NUBPL: variants seen among roughly 807,000 people sequenced by gnomAD.
NUBPL encodes NUBP iron-sulfur cluster assembly factor, mitochondrial, also known as iron-sulfur cluster transfer protein NUBPL.
NUBPL carries 31 observed loss-of-function variants against 45.7 expected under a neutral mutation model. That is an observed-to-expected ratio of 0.68 (90% CI 0.51 to 0.92). NUBPL has a LOEUF of 0.92. NUBPL is among the 40% of genes least tolerant of loss of function. The pLI is 0.00. For synonymous variants in NUBPL, 144 were observed against 140.9 expected, an observed-to-expected ratio of 1.02 and a Z score of -0.15; for missense variants, 401 against 398.7, an observed-to-expected ratio of 1.01 and a Z score of -0.05.
At chr14:31,840,795 T>C (rs1198626445) in intron 8 of NUBPL, among the ~76,000 whole-genome samples, 1 of 152,010 alleles carries the variant, frequency 6.6e-6, no homozygotes, top group Non-Finnish European at 1.5e-5. Flanking sequence ...TCAAACAATA[T>C]AAAATTTCAA....
chr14:31,725,080 A>G (rs545762580), intron 6 of NUBPL, among the ~76,000 whole-genome samples: 1 of 152,178 alleles, frequency 6.6e-6, no homozygotes, highest in African/African-American at 2.4e-5. Context: ...AGCAATTGGA[A>G]GTTTAGGGTA....
chr14:31,761,274 A>G (rs1291402397), intron 6 of NUBPL, among the ~76,000 whole-genome samples: 1 of 152,020 alleles, frequency 6.6e-6, no homozygotes, highest in Non-Finnish European at 1.5e-5. Context: ...CAACTGTCCA[A>G]TTCCTGGGCT....
chr14:31,810,726 A>T (rs1428185160), intron 7 of NUBPL, among the ~76,000 whole-genome samples: 4 of 152,202 alleles, frequency 2.6e-5, no homozygotes, highest in African/African-American at 9.6e-5. Context: ...TGGTCTTTAC[A>T]CTTTGGCATG....
intron 6 of NUBPL, among the ~76,000 whole-genome samples, chr14:31,676,870 G>C (rs1426310223): frequency 6.6e-6 from 1 of 151,858 alleles, no homozygotes; most frequent in Non-Finnish European, 1.5e-5. Context: ...ATTTATCCCA[G>C]TCTGTGGCTT....
intron 6 of NUBPL, among the ~76,000 whole-genome samples, chr14:31,703,459 C>A (rs578226233): frequency 1.9e-4 from 29 of 152,320 alleles, no homozygotes; most frequent in African/African-American, 7.0e-4. Flanking sequence ...TGTTTTCACA[C>A]TGCTGATAAA....
At chr14:31,594,018 A>G (rs1016760620) in intron 3 of NUBPL, among the ~76,000 whole-genome samples, 1 of 152,190 alleles carries the variant, frequency 6.6e-6, no homozygotes, top group Non-Finnish European at 1.5e-5. Context: ...TCCTAGGCCC[A>G]GGAATGGCAT....
chr14:31,740,782 A>G (rs894605132), intron 6 of NUBPL, among the ~76,000 whole-genome samples: 3 of 151,950 alleles, frequency 2.0e-5, no homozygotes, highest in Non-Finnish European at 4.4e-5. Flanking sequence ...ATTCTTGGAG[A>G]TTCTGTTCTG....
chr14:31,746,150 C>G (rs1050639657), intron 6 of NUBPL, among the ~76,000 whole-genome samples: 5 of 152,020 alleles, frequency 3.3e-5, no homozygotes, highest in African/African-American at 1.2e-4. Flanking sequence ...TTGATTTCTT[C>G]TCTCCCAATT....
intron 6 of NUBPL, among the ~76,000 whole-genome samples, chr14:31,735,388 T>C (rs1020252446): frequency 1.3e-5 from 2 of 152,154 alleles, no homozygotes; most frequent in Non-Finnish European, 2.9e-5. Flanking sequence ...ACAAGTAGTA[T>C]CTGAACCAAG....
intron 6 of NUBPL, among the ~76,000 whole-genome samples, chr14:31,764,029 A>G (rs539023892): frequency 2.0e-5 from 3 of 152,308 alleles, no homozygotes; most frequent in East Asian, 3.9e-4. Flanking sequence ...TTGAGAAACC[A>G]TAGATGATTG....
chr14:31,804,450 C>G (rs1313102066), intron 7 of NUBPL, among the ~76,000 whole-genome samples: 1 of 152,168 alleles, frequency 6.6e-6, no homozygotes, highest in Non-Finnish European at 1.5e-5. Context: ...TTCAGAATCA[C>G]TTGTCTAGAC....
intron 4 of NUBPL, among the ~76,000 whole-genome samples, chr14:31,666,509 C>T (rs181385259): frequency 8.5e-4 from 129 of 151,938 alleles, no homozygotes; most frequent in Middle Eastern, 3.4e-3. Context: ...GTGATCTGCT[C>T]GCCTCGGCCT....
In NUBPL at chr14:31,666,246, TATATATATA is replaced by T. The variant is rs1566487013; in HGVS notation, c.383-7108_383-7100del. The stretch of plus-strand genomic sequence containing the variant: ...TATTTAAGATATATATATATATATA[TATATATATA>T]TATATATAATTTTATTTTATTTTTT... On this transcript the variant is annotated intron_variant, in intron 4 of 10. Coordinates refer to ENST00000281081, the MANE Select transcript of NUBPL (RefSeq NM_025152.3). Among the ~76,000 whole-genome samples the T allele has an allele frequency of 2.8e-4, 9 of 32,700 alleles. 2 individuals carry two copies. The East Asian group carries it at 0.012, about 42-fold the overall frequency. The allele number at this position is 32,700 out of a possible 152,430, so 21.5% of individuals were successfully genotyped here.
intron 6 of NUBPL, among the ~76,000 whole-genome samples, chr14:31,688,004 C>A (rs1394466735): frequency 3.3e-5 from 5 of 152,112 alleles, no homozygotes; most frequent in African/African-American, 1.2e-4. Context: ...TTGCCAAATA[C>A]CTTTTTACTT....
intron 6 of NUBPL, among the ~76,000 whole-genome samples, chr14:31,783,444 T>G (rs1386842926): frequency 6.6e-6 from 1 of 152,148 alleles, no homozygotes; most frequent in Non-Finnish European, 1.5e-5. Flanking sequence ...TTAAATTCAA[T>G]TCAGAGTCAT....
intron 4 of NUBPL, among the ~76,000 whole-genome samples, chr14:31,616,202 T>A (rs1184883682): frequency 1.3e-5 from 2 of 152,176 alleles, no homozygotes; most frequent in East Asian, 3.9e-4. Context: ...GTCAGATGGA[T>A]AGATTGCAAA....
At chr14:31,750,029 C>T (rs542593310) in intron 6 of NUBPL, among the ~76,000 whole-genome samples, 2 of 152,200 alleles carry the variant, frequency 1.3e-5, no homozygotes, top group Admixed American at 6.5e-5. Context: ...TTGAATTCTT[C>T]AGCTCCAAGA....
chr14:31,826,479 T>A, intron 7 of NUBPL, 150 bp from the exon 8 acceptor site: 1 of 737,736 alleles, frequency 1.4e-6, no homozygotes, highest in Non-Finnish European at 2.3e-6. Context: ...CGACATTTTC[T>A]TGTCTTTCTC....
chr14:31,632,127 G>A (rs1362757252), intron 4 of NUBPL, among the ~76,000 whole-genome samples: 2 of 152,098 alleles, frequency 1.3e-5, no homozygotes, highest in Non-Finnish European at 2.9e-5. Context: ...AAAACACATA[G>A]CATATTCAGA....
Sources: allele counts gnomAD v4.1 joint callset (sites outside exome capture counted in the v4.1 genomes callset), GRCh38; gene constraint gnomAD v4.1.1; transcripts MANE v1.5; gene names NCBI Gene and HGNC (gene_info 2026-07-23, HGNC 2026-07-21).